Variants in SLF2 observed in about 807,000 individuals in gnomAD.
SLF2 encodes SMC5-SMC6 complex localization factor protein 2.
A neutral mutation model predicts 124.3 loss-of-function variants in SLF2; 68 were observed. The observed-to-expected ratio is 0.55, with a 90% CI of 0.45 to 0.67. The LOEUF (loss-of-function observed/expected upper bound fraction) is 0.67. Ranked by LOEUF, SLF2 falls within the 30% of genes least tolerant of loss-of-function variation. The pLI is 0.00. For synonymous variants in SLF2, 480 were observed against 478.8 expected (o/e 1.00, Z -0.03); for missense variants, 1,246 against 1,373.7 (o/e 0.91, Z 1.47).
At position 100,944,197 on chromosome 10, in the gene SLF2, A is replaced by T. The variant is rs558908582; in HGVS notation, c.2757+69A>T. The stretch of plus-strand genomic sequence containing the variant: ...ATTTAGTCTGTGGTTAATGGTTTTT[A>T]AAAAAAAAAAAGTCTCGGCCGGGCG... On this transcript the variant is annotated intron_variant, in intron 12 of 19. Transcript: ENST00000238961. The T allele has an allele frequency of 6.6e-3, 2,868 of 436,490 alleles. 6 individuals are homozygous for T. The highest frequency in any genetic ancestry group is 0.01 in the South Asian group (183 of 17,756). The allele number at this position is 436,490 out of a possible 1,614,324, so 27.0% of individuals were successfully genotyped here.
At chr10:100,925,589 G>T (rs1163881815) in intron 5 of SLF2, among the ~76,000 whole-genome samples, 1 of 152,128 alleles carries the variant, frequency 6.6e-6, no homozygotes, top group African/African-American at 2.4e-5. Flanking sequence ...TGTAAAATTT[G>T]GTGGGGAAGG....
Position 100,916,668 on chromosome 10 carries a change from T to A in SLF2, c.283T>A (p.Ser95Thr). The part of the protein sequence containing the change: ...GTEQFERKLS[S>T]PKESKPKRVP... ...AGAGCAGTTTGAAAGGAAACTATCC[T>A]CACCAAAAGAATCTAAACCCAAAAG... is the stretch of plus-strand genomic sequence containing the variant. The change falls in exon 3 of 20, where the codon TCA becomes ACA. Residue 95 changes from serine to threonine, a missense_variant. By Grantham distance (58) the Ser-to-Thr change is moderately conservative (BLOSUM62 1). This residue lies in a region of SLF2 where 698 missense variants were observed against 708.9 expected (regional missense o/e 0.98). Coordinates refer to ENST00000238961, the MANE Select transcript of SLF2 (RefSeq NM_018121.4). The A allele has an allele frequency of 6.5e-7, 1 of 1,531,474 alleles. No individual in the cohort carries two copies. The allele number at this position is 1,531,474 out of a possible 1,614,324, so 94.9% of individuals were successfully genotyped here.
chr10:100,915,995 TC>T lies in SLF2; in HGVS notation c.141-3del. The T allele has an allele frequency of 6.2e-7, 1 of 1,607,524 alleles. No individual in the cohort carries two copies. The stretch of plus-strand genomic sequence containing the variant: ...ATGATGCCATATTATGCTTTTATTT[TC>T]AGGAAGCAGTCAATTATAGATTTCT... On this transcript the variant is annotated splice_polypyrimidine_tract_variant and splice_region_variant and intron_variant, in intron 1 of 19. Transcript: ENST00000238961.
At chr10:100,947,538 G>A (rs1007660800) in intron 14 of SLF2, among the ~76,000 whole-genome samples, 4 of 151,936 alleles carry the variant, frequency 2.6e-5, no homozygotes, top group African/African-American at 9.7e-5. Context: ...AGATAAGGCC[G>A]TTAAATGATT....
chr10:100,954,941 CTTT>C (rs753768937), intron 17 of SLF2, among the ~76,000 whole-genome samples: 4 of 137,060 alleles, frequency 2.9e-5, no homozygotes, highest in Non-Finnish European at 3.1e-5. Context: ...GCAAGACTCT[CTTT>C]TTTTTTTTTT....
Position 100,913,164 on chromosome 10 carries a change from G to T in SLF2, c.54G>T (p.Pro18=). 6.2e-7 allele frequency: 1 copy of T among 1,612,574 alleles called. No homozygotes were observed. Among genetic ancestry groups the T allele is most frequent in the Non-Finnish European group, 8.5e-7 (1 of 1,179,430 alleles). The part of the protein sequence containing the change: ...ARPGFPSSPA[P]GSSPPRCHLR... ...CAGGTTTCCCCTCATCCCCAGCCCC[G>T]GGGTCGTCGCCCCCGCGCTGCCATC... Residue 18 remains proline (P), a synonymous_variant, in exon 1 of 20, where the codon CCG becomes CCT. Transcript: ENST00000238961.
At chr10:100,921,684 T>A (rs1165207363) in intron 4 of SLF2, among the ~76,000 whole-genome samples, 1 of 152,228 alleles carries the variant, frequency 6.6e-6, no homozygotes, top group African/African-American at 2.4e-5. Context: ...CCCTGAATAA[T>A]GCCTGAGCAA....
chr10:100,930,988 A>G lies in SLF2; in HGVS notation c.2346A>G (p.Thr782=). ...TTTATTTTTTCAGATCGGGAAAAAC[A>G]GATCAGATTTTTTTGACAACACAAG... The part of the protein sequence containing the change: ...VEKLILKSGK[T]DQIFLTTQGF... Residue 782 remains threonine (T), a synonymous_variant, in exon 9 of 20, where the codon ACA becomes ACG. Coordinates refer to ENST00000238961, the MANE Select transcript of SLF2 (RefSeq NM_018121.4). 1 of 1,613,886 alleles carries G rather than the reference A, an allele frequency of 6.2e-7. No homozygotes were observed. The highest frequency in any genetic ancestry group is 8.5e-7 in the Non-Finnish European group (1 of 1,179,792).
chr10:100,924,054 T>C lies in SLF2; in HGVS notation c.1053T>C (p.Ser351=). The change falls in exon 5 of 20, where the codon TCT becomes TCC. Residue 351 remains serine, a synonymous_variant. Transcript: ENST00000238961. ...CAGATCTGAAAAGCACAAGAGAATC[T>C]ATGATACCAAAAGCAAGAGAGTCCT... ...VDSDLKSTRE[S]MIPKARESFL... 1 of 1,608,818 alleles carries C rather than the reference T, an allele frequency of 6.2e-7. No homozygotes were observed. The highest frequency in any genetic ancestry group is 8.5e-7 in the Non-Finnish European group (1 of 1,178,704).
Position 100,950,689 on chromosome 10 carries a change from C to T in SLF2, c.3266C>T (p.Thr1089Ile), listed in dbSNP as rs776424214. 1 of 1,613,426 alleles carries T rather than the reference C, an allele frequency of 6.2e-7. No homozygotes were observed. The highest frequency in any genetic ancestry group is 1.1e-5 in the South Asian group (1 of 91,070). The change falls in exon 17 of 20, where the codon ACC becomes ATC. Residue 1089 changes from threonine to isoleucine, a missense_variant. Thr to Ile is a moderately conservative substitution (Grantham distance 89). This residue lies in a region of SLF2 where 535 missense variants were observed against 632.8 expected (regional missense o/e 0.85). Coordinates refer to ENST00000238961, the MANE Select transcript of SLF2 (RefSeq NM_018121.4). ...TTTCTCTAACAGGCATATTACCTGA[C>T]CTACATTCTTCTTCATTTAGTCGGT... The part of the protein sequence containing the change: ...LELEKQAYYL[T>I]YILLHLVGEV...
At chr10:100,959,355 T>C in intron 18 of SLF2, 73 bp from the exon 19 acceptor site, 1 of 1,367,070 alleles carries the variant, frequency 7.3e-7, no homozygotes, top group South Asian at 1.7e-5. Flanking sequence ...TCAGATATTT[T>C]GTGTAGTGTT....
chr10:100,929,973 GTGC>G lies in SLF2; in HGVS notation c.2312_2314del (p.Ala771del), dbSNP rs1849698131. On this transcript the variant is annotated inframe_deletion, in exon 8 of 20. Coordinates refer to ENST00000238961, the MANE Select transcript of SLF2 (RefSeq NM_018121.4). ...AGAGACTCTGGTTTTATTGGACAAA[GTGC>G]TGTAGAAAAACTTATTCTTAAGTAA... 1 of 1,532,986 alleles carries G rather than the reference GTGC, an allele frequency of 6.5e-7. No homozygotes were observed. Among genetic ancestry groups the G allele is most frequent in the Non-Finnish European group, 8.8e-7 (1 of 1,142,754 alleles). The allele number at this position is 1,532,986 out of a possible 1,614,324, so 95.0% of individuals were successfully genotyped here.
In SLF2 at chr10:100,923,978, G is replaced by T; in HGVS notation, c.977G>T (p.Gly326Val). Residue 326 changes from glycine (G) to valine (V), a missense_variant, in exon 5 of 20, where the codon GGC (glycine) becomes GTC (valine). Gly to Val is a moderately radical substitution (Grantham distance 109). This residue lies in a region of SLF2 where 698 missense variants were observed against 708.9 expected (regional missense o/e 0.98). Transcript: ENST00000238961. ...TCTAACAAAAATTAAATTTTAGCAG[G>T]CTCTAAGCAGAATAAATTCCCTGAA... ...SSDSWEPTSA[G>V]SKQNKFPEKR... is the part of the protein sequence containing the mutation. 1 of 1,531,676 alleles carries T rather than the reference G, an allele frequency of 6.5e-7. No homozygotes were observed. Among genetic ancestry groups the T allele is most frequent in the Non-Finnish European group, 8.7e-7 (1 of 1,146,342 alleles). The allele number at this position is 1,531,676 out of a possible 1,614,324, so 94.9% of individuals were successfully genotyped here.
At chr10:100,950,586 C>A (rs906727564) in intron 16 of SLF2, 90 bp from the exon 17 acceptor site, 6 of 1,120,396 alleles carry the variant, frequency 5.4e-6, no homozygotes, top group Non-Finnish European at 8.0e-6. Flanking sequence ...TATCCTTTAT[C>A]CTTCCTGGGC....
chr10:100,952,175 C>T (rs1210727264), intron 17 of SLF2, among the ~76,000 whole-genome samples: 5 of 151,636 alleles, frequency 3.3e-5, no homozygotes, highest in African/African-American at 4.9e-5. Flanking sequence ...ACCCAGGAGG[C>T]GGAGGTTGCA....
chr10:100,923,627 G>C (rs1219695400), intron 4 of SLF2, among the ~76,000 whole-genome samples: 2 of 151,858 alleles, frequency 1.3e-5, no homozygotes, highest in Admixed American at 6.6e-5. Context: ...CTGCAACCAG[G>C]TAGTCCTAGG....
intron 11 of SLF2, among the ~76,000 whole-genome samples, chr10:100,939,134 CAAAT>C (rs1444225600): frequency 6.6e-6 from 1 of 152,124 alleles, no homozygotes; most frequent in African/African-American, 2.4e-5. Context: ...AAAACTATGA[CAAAT>C]AACTAAGAAA....
At chr10:100,933,728 G>GT (rs1849790814) in intron 9 of SLF2, among the ~76,000 whole-genome samples, 1 of 152,138 alleles carries the variant, frequency 6.6e-6, no homozygotes, top group Non-Finnish European at 1.5e-5. Context: ...CACCCAGGCT[G>GT]GAGTGCAGTG....
chr10:100,953,039 G>A (rs758561153), intron 17 of SLF2, among the ~76,000 whole-genome samples: 2 of 150,956 alleles, frequency 1.3e-5, no homozygotes, highest in Non-Finnish European at 1.5e-5. Flanking sequence ...TTTTCGAGAC[G>A]GAGTCTTGCT....
Sources: gnomAD v4.1 joint callset for allele counts (sites outside exome capture counted in the v4.1 genomes callset) on GRCh38, gnomAD v4.1.1 for gene constraint, gnomAD v4.1.1 regional missense constraint, MANE v1.5 for transcripts, NCBI Gene and HGNC (gene_info 2026-07-23, HGNC 2026-07-21) for gene names.